Variants in SLC9A7 observed in about 807,000 individuals in gnomAD.
The protein encoded by SLC9A7 is solute carrier family 9 member A7.
Under a neutral mutation model 52.6 loss-of-function variants are expected in SLC9A7, and 19 were observed. The observed-to-expected ratio is 0.36, with a 90% CI of 0.25 to 0.53. SLC9A7 has a LOEUF of 0.53. Among genes scored for constraint, SLC9A7 ranks in the 20% least tolerant of loss-of-function variants. SLC9A7 has a pLI of 0.91. For missense variants in SLC9A7, 455 were observed against 597.9 expected, an observed-to-expected ratio of 0.76 and a Z score of 2.49; for synonymous variants, 226 against 252.1, an observed-to-expected ratio of 0.90 and a Z score of 0.98.
chrX:46,660,101 G>C (rs1481808281), intron 7 of SLC9A7, among the ~76,000 whole-genome samples: 5 of 107,870 alleles, frequency 4.6e-5, no homozygotes, highest in Admixed American at 4.0e-4. Context: ...ACAAACCTGA[G>C]AAAAACAAGC....
At chrX:46,674,616 G>A (rs767217741) in intron 3 of SLC9A7, among the ~76,000 whole-genome samples, 3 of 111,606 alleles carry the variant, frequency 2.7e-5, no homozygotes, top group East Asian at 5.7e-4. Context: ...TGACCCCAAA[G>A]CATCATGCTC....
intron 3 of SLC9A7, among the ~76,000 whole-genome samples, chrX:46,677,028 C>T (rs1004748032): frequency 2.7e-5 from 3 of 111,833 alleles, no homozygotes; most frequent in Admixed American, 9.5e-5. Context: ...ACTGGGCTGG[C>T]GTGCAGAAAC....
intron 16 of SLC9A7, among the ~76,000 whole-genome samples, chrX:46,609,953 G>A (rs927263011): frequency 5.4e-5 from 6 of 111,809 alleles, no homozygotes; most frequent in East Asian, 2.8e-4. Flanking sequence ...GCTTGAACCC[G>A]GGAGGCAGAG....
intron 14 of SLC9A7, among the ~76,000 whole-genome samples, chrX:46,622,603 C>A (rs938590377): frequency 7.2e-5 from 8 of 111,533 alleles, no homozygotes; most frequent in Admixed American, 2.9e-4. Context: ...TCCCTTAAAT[C>A]AATGATGAAA....
intron 7 of SLC9A7, among the ~76,000 whole-genome samples, chrX:46,660,574 A>G (rs1388902674): frequency 9.0e-6 from 1 of 111,332 alleles, no homozygotes; most frequent in African/African-American, 3.3e-5. Flanking sequence ...ATGAACAGAC[A>G]CTTCTCAAAA....
intron 1 of SLC9A7, among the ~76,000 whole-genome samples, chrX:46,734,288 G>C (rs767186273): frequency 9.0e-6 from 1 of 111,275 alleles, no homozygotes; most frequent in South Asian, 3.8e-4. Flanking sequence ...AAAAGGACTG[G>C]AAAACATATG....
At chrX:46,730,670 T>TTATATATATACATATATA (rs1945017084) in intron 1 of SLC9A7, among the ~76,000 whole-genome samples, 1 of 42,928 alleles carries the variant, frequency 2.3e-5, no homozygotes, top group African/African-American at 6.5e-5. Context: ...AAAAAAAAAA[T>TTATATATATACATATATA]TATATATATA....
intron 1 of SLC9A7, among the ~76,000 whole-genome samples, chrX:46,718,017 G>C (rs112688873): frequency 0.13 from 14,785 of 111,238 alleles, 1,024 homozygotes; most frequent in Non-Finnish European, 0.2. Context: ...GAACAAAGCT[G>C]GAGGCATCAC....
At chrX:46,700,538 T>C (rs1944515301) in intron 1 of SLC9A7, among the ~76,000 whole-genome samples, 1 of 112,078 alleles carries the variant, frequency 8.9e-6, no homozygotes, top group East Asian at 2.8e-4. Flanking sequence ...CTCTTTCCAT[T>C]CTCTCCTCCG....
At chrX:46,633,377 A>AAAAAAAAAAAAAAAAG (rs1943260244) in intron 13 of SLC9A7, among the ~76,000 whole-genome samples, 1 of 98,586 alleles carries the variant, frequency 1.0e-5, no homozygotes, top group Non-Finnish European at 2.0e-5. Context: ...AAAAAAAAAA[A>AAAAAAAAAAAAAAAAG]AAAACAGATC....
At chrX:46,641,223 T>A (rs1164933665) in intron 12 of SLC9A7, among the ~76,000 whole-genome samples, 1 of 112,120 alleles carries the variant, frequency 8.9e-6, no homozygotes, top group Non-Finnish European at 1.9e-5. Context: ...AGGCCCACCT[T>A]GGAATGCTAC....
chrX:46,744,237 C>T (rs1203150273), intron 1 of SLC9A7, among the ~76,000 whole-genome samples: 1 of 112,469 alleles, frequency 8.9e-6, no homozygotes. Context: ...CCACATACTT[C>T]TCCTCCTACC....
intron 3 of SLC9A7, among the ~76,000 whole-genome samples, chrX:46,676,248 G>T (rs1227759696): frequency 9.0e-6 from 1 of 111,289 alleles, no homozygotes; most frequent in African/African-American, 3.3e-5. Context: ...CCTTCCGTGG[G>T]ATCTGGCATT....
At chrX:46,725,548 G>T in intron 1 of SLC9A7, 4 of 962,194 alleles carry the variant, frequency 4.2e-6, no homozygotes, top group Non-Finnish European at 6.0e-6. Flanking sequence ...TAATTGGCTT[G>T]TTCTATGTTG....
At chrX:46,727,211 TACCCTAAACTC>T (rs1219660652) in intron 1 of SLC9A7, among the ~76,000 whole-genome samples, 18 of 112,077 alleles carry the variant, frequency 1.6e-4, no homozygotes, top group Non-Finnish European at 3.0e-4. Flanking sequence ...GATCCCCGCA[TACCCTAAACTC>T]AGCCACACAG....
intron 16 of SLC9A7, among the ~76,000 whole-genome samples, chrX:46,609,310 G>A (rs1463472222): frequency 4.5e-5 from 5 of 112,024 alleles, no homozygotes; most frequent in Non-Finnish European, 9.4e-5. Flanking sequence ...TCACTGACAG[G>A]AGAAAACAAG....
chrX:46,719,967 AAT>A (rs1944833418), intron 1 of SLC9A7, among the ~76,000 whole-genome samples: 1 of 111,767 alleles, frequency 8.9e-6, no homozygotes, highest in South Asian at 3.7e-4. Context: ...ACTAGTAAGT[AAT>A]ATATTCCTTA....
intron 12 of SLC9A7, among the ~76,000 whole-genome samples, chrX:46,640,971 T>C (rs1046664840): frequency 4.5e-5 from 5 of 112,337 alleles, no homozygotes; most frequent in Admixed American, 1.9e-4. Context: ...TGGAAAACAG[T>C]TGGCAGTTTC....
chrX:46,758,880 G>T lies in SLC9A7; in HGVS notation c.150C>A (p.Asp50Glu). 8.4e-7 allele frequency: 1 copy of T among 1,189,292 alleles called. No homozygotes were observed. The change falls in exon 1 of 17, where the codon GAC (aspartate) becomes GAA (glutamate). Residue 50 changes from aspartate to glutamate, a missense_variant. Asp to Glu is a conservative substitution (Grantham distance 45, BLOSUM62 2). Coordinates refer to ENST00000616978, the MANE Select transcript of SLC9A7 (RefSeq NM_001257291.2). ...SASSSGAAAE[D>E]SSAMEELATE... ...TAGCGAGCTCCTCCATGGCGCTGCT[G>T]TCCTCCGCCGCCGCCCCAGAGGAGG...
Sources: allele counts gnomAD v4.1 joint callset (sites outside exome capture counted in the v4.1 genomes callset), GRCh38; gene constraint gnomAD v4.1.1; transcripts MANE v1.5; gene names NCBI Gene and HGNC (gene_info 2026-07-23, HGNC 2026-07-21).